SIM1: variants seen among roughly 807,000 people sequenced by gnomAD.
SIM1 encodes the protein single-minded homolog 1.
A neutral mutation model predicts 78.2 loss-of-function variants in SIM1; 18 were observed. That is an observed-to-expected ratio of 0.23 (90% confidence interval 0.16 to 0.34). The LOEUF (loss-of-function observed/expected upper bound fraction) is 0.34, where lower values mean the gene tolerates loss of function less well. Ranked by LOEUF, SIM1 falls within the 10% of genes least tolerant of loss-of-function variation. The probability of loss-of-function intolerance (pLI) is 1.00; values close to 1 mark genes in which losing one functional copy is unlikely to be tolerated. For synonymous variants in SIM1, 417 were observed against 385.2 expected (o/e 1.08, Z -0.97); for missense variants, 939 against 975.1 (o/e 0.96, Z 0.49).
intron 6 of SIM1, 112 bp from the exon 7 acceptor site, chr6:100,448,790 AC>A: frequency 2.1e-6 from 2 of 930,370 alleles, no homozygotes; most frequent in South Asian, 1.6e-5. Flanking sequence ...AGCAGTGCTG[AC>A]CACGCCCGTG....
intron 10 of SIM1, among the ~76,000 whole-genome samples, chr6:100,409,287 G>C (rs1771133925): frequency 6.6e-6 from 1 of 152,042 alleles, no homozygotes; most frequent in Non-Finnish European, 1.5e-5. Flanking sequence ...GTATGTTCTG[G>C]AAATTTATCC....
intron 9 of SIM1, among the ~76,000 whole-genome samples, chr6:100,446,249 C>T (rs969717943): frequency 1.9e-4 from 29 of 152,124 alleles, no homozygotes; most frequent in African/African-American, 7.0e-4. Context: ...GAATCTAGTC[C>T]TTATCACCTA....
Position 100,393,852 on chromosome 6 carries a change from T to C in SIM1, c.1205A>G (p.His402Arg), listed in dbSNP as rs1233150713. Residue 402 changes from histidine (H) to arginine (R), a missense_variant, in exon 11 of 12, where the codon CAT becomes CGT. Physicochemically the swap from His to Arg is conservative, Grantham distance 29 (BLOSUM62 0). Coordinates refer to ENST00000369208, the MANE Select transcript of SIM1 (RefSeq NM_005068.3). ...GGGACTTCCGCCCCACTGGCTGTCA[T>C]GATCAGATTCCGATCTTTCTGTGTG... ...GFHTERSESD[H>R]DSQWGGSPLT... 4 of 1,594,320 alleles carry C rather than the reference T, an allele frequency of 2.5e-6. No individual in the cohort carries two copies. Among genetic ancestry groups the C allele is most frequent in the Non-Finnish European group, 2.6e-6 (3 of 1,167,980 alleles).
intron 9 of SIM1, among the ~76,000 whole-genome samples, chr6:100,426,681 A>G (rs918104738): frequency 5.9e-5 from 9 of 152,230 alleles, no homozygotes; most frequent in Non-Finnish European, 8.8e-5. Flanking sequence ...GAGTGTACAG[A>G]GAAAGCAATC....
intron 9 of SIM1, among the ~76,000 whole-genome samples, chr6:100,423,330 C>T (rs147718905): frequency 2.4e-4 from 36 of 152,272 alleles, no homozygotes; most frequent in African/African-American, 7.9e-4. Context: ...TGAAGCCCTT[C>T]CTGACTGCTA....
rs201750202 is a variant in SIM1 at position 100,420,933 on chromosome 6, G to A, written c.1024C>T (p.Leu342Phe). 1.9e-5 allele frequency: 31 copies of A among 1,613,644 alleles called. No individual in the cohort carries two copies. The highest frequency in any genetic ancestry group is 2.6e-5 in the Non-Finnish European group (31 of 1,179,926). ...GAGGCTGAGATCTGATCCAGGGAGA[G>A]CTGCAGCCCTTTGTATTCTGTGTCT... ...LTDTEYKGLQ[L>F]SLDQISASKP... Residue 342 changes from leucine (L) to phenylalanine (F), a missense_variant, in exon 10 of 12, where the codon CTC (leucine) becomes TTC (phenylalanine). Leu to Phe is a conservative substitution (Grantham distance 22). Around this residue, in one of 5 missense-constraint regions of SIM1, gnomAD observed 66 missense variants for 108.4 expected, o/e 0.61. Transcript: ENST00000369208.
At chr6:100,455,846 A>G (rs373437981) in intron 2 of SIM1, among the ~76,000 whole-genome samples, 9 of 152,294 alleles carry the variant, frequency 5.9e-5, no homozygotes, top group African/African-American at 2.2e-4. Context: ...CGGCCTCCCA[A>G]CCAGAATGAT....
chr6:100,429,209 A>C (rs1293295579), intron 9 of SIM1, among the ~76,000 whole-genome samples: 1 of 152,108 alleles, frequency 6.6e-6, no homozygotes, highest in Non-Finnish European at 1.5e-5. Flanking sequence ...TCTCCACAAA[A>C]AATACAAAAA....
intron 9 of SIM1, among the ~76,000 whole-genome samples, chr6:100,424,588 A>G (rs747179164): frequency 3.3e-5 from 5 of 150,280 alleles, no homozygotes; most frequent in Non-Finnish European, 7.4e-5. Context: ...GGCATGCACC[A>G]CCATGCTCAA....
chr6:100,453,814 C>G lies in SIM1; in HGVS notation c.206G>C (p.Arg69Pro). ...GCCAACGTTGTCCAGGGGGCTGGTC[C>G]GACTTGAGTGGCCCCACGCCTCGCC... is the stretch of plus-strand genomic sequence containing the variant. The part of the protein sequence containing the change: ...GLGEAWGHSS[R>P]TSPLDNVGRE... The change falls in exon 3 of 12, where the codon CGG becomes CCG. Residue 69 changes from arginine to proline, a missense_variant. Transcript: ENST00000369208. 3 of 1,612,386 alleles carry G rather than the reference C, an allele frequency of 1.9e-6. No homozygotes were observed. The highest frequency in any genetic ancestry group is 2.2e-5 in the East Asian group (1 of 44,660).
At chr6:100,409,999 C>T (rs1013626361) in intron 10 of SIM1, among the ~76,000 whole-genome samples, 9 of 152,108 alleles carry the variant, frequency 5.9e-5, no homozygotes, top group East Asian at 3.8e-4. Flanking sequence ...GTATGTTCTG[C>T]GTCAGAACCT....
At chr6:100,458,013 TC>T (rs1772721468) in intron 2 of SIM1, among the ~76,000 whole-genome samples, 54 of 12,406 alleles carry the variant, frequency 4.4e-3, no homozygotes, top group African/African-American at 9.9e-3. Context: ...TCTTTCTCTC[TC>T]TCTCTCTCTC....
rs375766542 is a variant in SIM1 at position 100,463,377 on chromosome 6, G to A, written c.92C>T (p.Ser31Leu). Reference protein sequence around the residue: ...YELAKLLPLPSAITSQLDKAS... With the variant: ...YELAKLLPLPLAITSQLDKAS... ...TTTGTCCAGCTGCGAGGTGATAGCC[G>A]AGGGCAAAGGCAGTAATTTAGCCAG... The change falls in exon 2 of 12, where the codon TCG (serine) becomes TTG (leucine). Residue 31 changes from serine (S) to leucine (L), a missense_variant. Coordinates refer to ENST00000369208, the MANE Select transcript of SIM1 (RefSeq NM_005068.3). The A allele has an allele frequency of 6.2e-7, 1 of 1,613,980 alleles. No individual in the cohort carries two copies. The highest frequency in any genetic ancestry group is 1.1e-5 in the South Asian group (1 of 91,070).
At chr6:100,421,547 A>G (rs547688502) in intron 9 of SIM1, among the ~76,000 whole-genome samples, 3 of 152,322 alleles carry the variant, frequency 2.0e-5, no homozygotes, top group South Asian at 4.1e-4. Context: ...TTGTGCTACA[A>G]TACAGGGGGA....
intron 9 of SIM1, among the ~76,000 whole-genome samples, chr6:100,444,622 A>G (rs1772308265): frequency 6.6e-6 from 1 of 152,166 alleles, no homozygotes; most frequent in Non-Finnish European, 1.5e-5. Context: ...GTCAGTAAAA[A>G]GCATCAAGGC....
chr6:100,426,388 TGG>T (rs1362090722), intron 9 of SIM1, among the ~76,000 whole-genome samples: 1 of 152,146 alleles, frequency 6.6e-6, no homozygotes, highest in Non-Finnish European at 1.5e-5. Context: ...ATAGAGAAAA[TGG>T]GGCCATTTTT....
At chr6:100,429,186 T>C (rs773663730) in intron 9 of SIM1, among the ~76,000 whole-genome samples, 14 of 152,140 alleles carry the variant, frequency 9.2e-5, no homozygotes, top group South Asian at 2.1e-4. Flanking sequence ...TTGGCCAACA[T>C]GGTGAAACCC....
At position 100,389,658 on chromosome 6, in the gene SIM1, G is replaced by A. The variant is rs1264935567; in HGVS notation, c.*703C>T. 6 of 398,810 alleles carry A rather than the reference G, an allele frequency of 1.5e-5. No individual in the cohort carries two copies. The highest frequency in any genetic ancestry group is 1.2e-4 in the African/African-American group (6 of 48,604). The allele number at this position is 398,810 out of a possible 1,614,324, so 24.7% of individuals were successfully genotyped here. ...GTGTTCTTACTTAGAAAAACCCTCA[G>A]CGCCATGTCAGTGCAATCCTGGTCC... On this transcript the variant is annotated 3_prime_UTR_variant, in exon 12 of 12. Transcript: ENST00000369208.
intron 10 of SIM1, among the ~76,000 whole-genome samples, chr6:100,413,686 A>G (rs562689114): frequency 1.3e-5 from 2 of 152,314 alleles, no homozygotes; most frequent in South Asian, 4.1e-4. Flanking sequence ...TACCTAAGAT[A>G]CCCACTTAAG....
Sources: gnomAD v4.1 joint callset for allele counts (sites outside exome capture counted in the v4.1 genomes callset) on GRCh38, gnomAD v4.1.1 for gene constraint, gnomAD v4.1.1 regional missense constraint, MANE v1.5 for transcripts, NCBI Gene and HGNC (gene_info 2026-07-23, HGNC 2026-07-21) for gene names.